The following INPP4B variants were observed in gnomAD, a reference collection of about 807,000 sequenced individuals.
INPP4B encodes inositol polyphosphate-4-phosphatase type II B, also known as inositol polyphosphate 4-phosphatase type II.
A neutral mutation model predicts 122.5 loss-of-function variants in INPP4B; 55 were observed. The ratio of observed to expected loss-of-function variants is 0.45; its 90% confidence interval spans 0.36 to 0.56. The LOEUF (loss-of-function observed/expected upper bound fraction) is 0.56. INPP4B is among the 20% of genes least tolerant of loss of function. The probability of loss-of-function intolerance (pLI) is 0.00; values close to 1 mark genes in which losing one functional copy is unlikely to be tolerated. For missense variants in INPP4B, 1,000 were observed against 1,097.7 expected, an observed-to-expected ratio of 0.91 and a Z score of 1.26; for synonymous variants, 403 against 388.7, an observed-to-expected ratio of 1.04 and a Z score of -0.43.
At chr4:142,508,804 C>CA (rs1438865736) in intron 2 of INPP4B, among the ~76,000 whole-genome samples, 1 of 151,948 alleles carries the variant, frequency 6.6e-6, no homozygotes, top group Non-Finnish European at 1.5e-5. Context: ...TTGGTTCTCC[C>CA]AAAAAAAGGA....
chr4:142,585,681 T>C (rs1216705901), intron 2 of INPP4B, among the ~76,000 whole-genome samples: 3 of 152,078 alleles, frequency 2.0e-5, no homozygotes, highest in African/African-American at 7.2e-5. Flanking sequence ...CACAGTTAGA[T>C]TTTACTACAT....
chr4:142,044,733 A>C (rs1750383841), intron 25 of INPP4B, among the ~76,000 whole-genome samples: 1 of 152,142 alleles, frequency 6.6e-6, no homozygotes, highest in Non-Finnish European at 1.5e-5. Context: ...TCCAAGAATA[A>C]TATGGAATAT....
intron 3 of INPP4B, among the ~76,000 whole-genome samples, chr4:142,437,452 A>T: frequency 6.6e-6 from 1 of 152,092 alleles, no homozygotes; most frequent in East Asian, 1.9e-4. Flanking sequence ...CAAGACACAT[A>T]ATCACCATAT....
At chr4:142,819,078 T>C (rs1275887072) in intron 1 of INPP4B, among the ~76,000 whole-genome samples, 1 of 152,190 alleles carries the variant, frequency 6.6e-6, no homozygotes, top group African/African-American at 2.4e-5. Flanking sequence ...TACTCTTTAG[T>C]ATTTACCCTA....
Position 142,026,937 on chromosome 4 carries a change from A to G in INPP4B, c.*1845T>C, listed in dbSNP as rs1163455611. 6.9e-6 allele frequency: 1 copy of G among 145,714 alleles called. No individual in the cohort carries two copies. The highest frequency in any genetic ancestry group is 1.5e-5 in the Non-Finnish European group (1 of 66,806). 9.0% of individuals were successfully genotyped at this position (145,714 alleles called of 1,614,324 possible). On this transcript the variant is annotated 3_prime_UTR_variant, in exon 26 of 26. Coordinates refer to ENST00000262992, the MANE Select transcript of INPP4B (RefSeq NM_001101669.3). ...CATTTGATATGCTGAATGAGGCTTC[A>G]TAGCTATTCAAGGAGGCCTCTGTCA...
chr4:142,840,939 TA>T (rs1783402050), intron 1 of INPP4B, among the ~76,000 whole-genome samples: 1 of 152,124 alleles, frequency 6.6e-6, no homozygotes, highest in Non-Finnish European at 1.5e-5. Flanking sequence ...CTGAATGGAT[TA>T]GTTAATATAA....
intron 2 of INPP4B, among the ~76,000 whole-genome samples, chr4:142,514,773 C>A (rs1343889876): frequency 6.6e-6 from 1 of 151,082 alleles, no homozygotes. Flanking sequence ...ACTGCCATCC[C>A]CTGCACACAC....
chr4:142,620,419 T>C (rs1744642515), intron 2 of INPP4B, among the ~76,000 whole-genome samples: 2 of 151,850 alleles, frequency 1.3e-5, no homozygotes, highest in Admixed American at 1.3e-4. Flanking sequence ...AACCAAATAC[T>C]GCATGCTCTC....
chr4:142,544,678 A>G (rs1433695676), intron 2 of INPP4B, among the ~76,000 whole-genome samples: 1 of 152,050 alleles, frequency 6.6e-6, no homozygotes, highest in Non-Finnish European at 1.5e-5. Flanking sequence ...CCAGAGAGGG[A>G]GGGAGAGGCC....
intron 6 of INPP4B, among the ~76,000 whole-genome samples, chr4:142,403,531 T>C (rs1802335079): frequency 6.6e-6 from 1 of 152,182 alleles, no homozygotes; most frequent in African/African-American, 2.4e-5. Flanking sequence ...TTTTTAGATG[T>C]TCAGCTATGA....
intron 5 of INPP4B, among the ~76,000 whole-genome samples, chr4:142,415,764 C>A (rs552179091): frequency 6.6e-6 from 1 of 151,886 alleles, no homozygotes; most frequent in South Asian, 2.1e-4. Context: ...AAATGTCCAA[C>A]AATGATAGAC....
At chr4:142,518,779 G>T (rs527821476) in intron 2 of INPP4B, 2 of 152,324 alleles carry the variant, frequency 1.3e-5, no homozygotes, top group East Asian at 3.9e-4. Context: ...CTGAGAGCCA[G>T]CGTCAACTGC....
chr4:142,226,904 T>C (rs543732698), intron 12 of INPP4B, among the ~76,000 whole-genome samples: 1 of 152,276 alleles, frequency 6.6e-6, no homozygotes, highest in East Asian at 1.9e-4. Flanking sequence ...GGTAGTATTA[T>C]GAACTGAGAT....
intron 2 of INPP4B, among the ~76,000 whole-genome samples, chr4:142,685,944 C>G (rs888355713): frequency 2.0e-5 from 3 of 151,846 alleles, no homozygotes; most frequent in African/African-American, 7.3e-5. Flanking sequence ...ATTTAGAAAA[C>G]TAGAGTTTTG....
At chr4:142,097,534 G>A (rs1252969318) in intron 23 of INPP4B, among the ~76,000 whole-genome samples, 1 of 152,066 alleles carries the variant, frequency 6.6e-6, no homozygotes, top group East Asian at 1.9e-4. Flanking sequence ...TGGGATTATA[G>A]GTGTGAGCCA....
At chr4:142,825,541 C>A (rs916091204) in intron 1 of INPP4B, among the ~76,000 whole-genome samples, 2 of 151,948 alleles carry the variant, frequency 1.3e-5, no homozygotes, top group African/African-American at 2.4e-5. Context: ...CCCCAAGAAG[C>A]TTATAATCTA....
chr4:142,264,136 G>A (rs1009903706), intron 10 of INPP4B, among the ~76,000 whole-genome samples: 5 of 152,084 alleles, frequency 3.3e-5, no homozygotes, highest in Admixed American at 6.6e-5. Flanking sequence ...AAATAGGGTC[G>A]CTTTGTTGCT....
chr4:142,299,537 T>C (rs1202236378), intron 9 of INPP4B, among the ~76,000 whole-genome samples: 3 of 151,192 alleles, frequency 2.0e-5, no homozygotes, highest in Admixed American at 1.3e-4. Context: ...TTTTTTTTTT[T>C]CTACACAAAA....
chr4:142,097,896 T>C (rs143487191), intron 23 of INPP4B, among the ~76,000 whole-genome samples: 23 of 152,258 alleles, frequency 1.5e-4, no homozygotes, highest in African/African-American at 4.1e-4. Context: ...ATTCAACAAA[T>C]GTTAATGGAA....
Sources: gnomAD v4.1 joint callset for allele counts (sites outside exome capture counted in the v4.1 genomes callset) on GRCh38, gnomAD v4.1.1 for gene constraint, MANE v1.5 for transcripts, NCBI Gene and HGNC (gene_info 2026-07-23, HGNC 2026-07-21) for gene names.